PACS2: variants seen among roughly 807,000 people sequenced by gnomAD.
The protein encoded by PACS2 is PACS1-like protein.
In PACS2, 36 loss-of-function variants were observed where a neutral mutation model predicts 113.0. The ratio of observed to expected loss-of-function variants is 0.32; its 90% confidence interval spans 0.24 to 0.42. PACS2 has a LOEUF of 0.42. PACS2 is among the 10% of genes least tolerant of loss of function. The pLI is 1.00. For missense variants in PACS2, 1,015 were observed against 1,239.5 expected (o/e 0.82, Z 2.72); for synonymous variants, 589 against 536.1 (o/e 1.10, Z -1.36).
At chr14:105,393,004 G>A (rs587636339) in intron 23 of PACS2, among the ~76,000 whole-genome samples, 159 bp downstream of exon 23, 32 of 152,308 alleles carry the variant, frequency 2.1e-4, no homozygotes, top group African/African-American at 6.7e-4. Flanking sequence ...AATCCTGAGG[G>A]CAGTGAGGGT....
intron 4 of PACS2, among the ~76,000 whole-genome samples, chr14:105,363,522 C>T (rs948124771): frequency 5.9e-5 from 9 of 152,208 alleles, no homozygotes; most frequent in African/African-American, 9.7e-5. Context: ...GCAGCCTCCT[C>T]GCCTCTCTCA....
upstream of PACS2, among the ~76,000 whole-genome samples, chr14:105,312,457 G>A (rs1356040743): frequency 2.0e-5 from 3 of 152,162 alleles, no homozygotes; most frequent in African/African-American, 4.8e-5. Context: ...CTCCCCAACC[G>A]TGCCCAGCCA....
Position 105,381,899 on chromosome 14 carries a change from C to T in PACS2, c.1269-15C>T, listed in dbSNP as rs185644553. The T allele has an allele frequency of 1.3e-6, 2 of 1,549,602 alleles. No homozygotes were observed. Among genetic ancestry groups the T allele is most frequent in the East Asian group, 2.4e-5 (1 of 41,374 alleles). ...CTGCTGCCACAGCCACTTAGCCTGT[C>T]CTGGTCCCCAATAGGTCCGAGGGGA... On this transcript the variant is annotated splice_polypyrimidine_tract_variant and intron_variant, in intron 12 of 24. Transcript: ENST00000447393.
At chr14:105,389,223 G>C (rs1027373642) in intron 19 of PACS2, 1 of 152,422 alleles carries the variant, frequency 6.6e-6, no homozygotes, top group Non-Finnish European at 1.5e-5. Flanking sequence ...TCGTGTGGAC[G>C]GGCTGTGACC....
intron 1 of PACS2, among the ~76,000 whole-genome samples, chr14:105,316,354 A>G (rs2058629512): frequency 6.6e-6 from 1 of 152,196 alleles, no homozygotes; most frequent in Admixed American, 6.5e-5. Context: ...GCATCTCCCC[A>G]GGCCTGGCTG....
At chr14:105,349,893 AC>A in intron 2 of PACS2, among the ~76,000 whole-genome samples, 1 of 141,082 alleles carries the variant, frequency 7.1e-6, no homozygotes, top group African/African-American at 2.8e-5. Context: ...TAATAGCAGG[AC>A]CCCGAGAACT....
In PACS2 at chr14:105,365,671, C is replaced by T. The variant is rs1232750257; in HGVS notation, c.424-1542C>T. Among the ~76,000 whole-genome samples, 2 of 152,322 alleles carry T rather than the reference C, an allele frequency of 1.3e-5. No homozygotes were observed. Among genetic ancestry groups the T allele is most frequent in the South Asian group, 4.1e-4 (2 of 4,832 alleles). On this transcript the variant is annotated intron_variant, in intron 4 of 24. Transcript: ENST00000447393. This position sits in a 1 kb window ranked among gnomAD's most constrained non-coding sequence, Gnocchi z 5.1. ...GCCCCACCTTGATTCCTCCGGGACCCCAGCCCGGCAGCCCCCTCCCCTCTG... is the reference window on the plus strand; with the variant it reads ...GCCCCACCTTGATTCCTCCGGGACCTCAGCCCGGCAGCCCCCTCCCCTCTG...
rs1595678092 is a variant in PACS2, at chr14:105,355,316, C to A, written c.423+139C>A. The A allele has an allele frequency of 9.5e-7, 1 of 1,053,734 alleles. No homozygotes were observed. The highest frequency in any genetic ancestry group is 2.7e-5 in the East Asian group (1 of 37,110). The allele number at this position is 1,053,734 out of a possible 1,614,324, so 65.3% of individuals were successfully genotyped here. ...AAAATGATGAGAGGAGCCTGGGCGGCCGGGCTCCGCCATAAGGGCCAGGTG... is the reference window on the plus strand; with the variant it reads ...AAAATGATGAGAGGAGCCTGGGCGGACGGGCTCCGCCATAAGGGCCAGGTG... On this transcript the variant is annotated intron_variant, in intron 4 of 24. Coordinates refer to ENST00000447393, the MANE Select transcript of PACS2 (RefSeq NM_001100913.3). This position sits in a 1 kb window ranked among gnomAD's most constrained non-coding sequence, Gnocchi z 4.1.
Position 105,376,746 on chromosome 14 carries a change from C to G in PACS2, c.802-22C>G. ...AATGTGGGCTGCTGCAGGGAACTCA[C>G]GCGTGCCTGGCACCCGTGCAGGTCC... is the stretch of plus-strand genomic sequence containing the variant. On this transcript the variant is annotated intron_variant, in intron 8 of 24. Coordinates refer to ENST00000447393, the MANE Select transcript of PACS2 (RefSeq NM_001100913.3). This position sits in a 1 kb window ranked among gnomAD's most constrained non-coding sequence, Gnocchi z 4.7. 2 of 1,609,374 alleles carry G rather than the reference C, an allele frequency of 1.2e-6. No individual in the cohort carries two copies. The highest frequency in any genetic ancestry group is 1.7e-6 in the Non-Finnish European group (2 of 1,177,588).
Position 105,315,199 on chromosome 14 carries a change from C to T in PACS2, c.119+162C>T. 3.7e-6 allele frequency: 1 copy of T among 268,438 alleles called. No homozygotes were observed. The highest frequency in any genetic ancestry group is 5.9e-6 in the Non-Finnish European group (1 of 168,972). The allele number at this position is 268,438 out of a possible 1,614,324, so 16.6% of individuals were successfully genotyped here. On this transcript the variant is annotated intron_variant, in intron 1 of 24. Transcript: ENST00000447393. The surrounding 1 kb of genome is among the most constrained non-coding windows in gnomAD (Gnocchi z 4.4). ...TCGACGCGTGCAGCCGCCGCCCCCC[C>T]GCAGCTCCGGCAAGCGCGGCCCCAG...
At chr14:105,309,927 A>G (rs2058301035), upstream of PACS2, among the ~76,000 whole-genome samples, 1 of 151,436 alleles carries the variant, frequency 6.6e-6, no homozygotes, top group Non-Finnish European at 1.5e-5. This position sits in a 1 kb window ranked among gnomAD's most constrained non-coding sequence, Gnocchi z 4.0. Context: ...CTGGGACTAC[A>G]GGCGCCCGCC....
At chr14:105,342,966 G>A (rs1348660732) in intron 1 of PACS2, among the ~76,000 whole-genome samples, 2 of 150,826 alleles carry the variant, frequency 1.3e-5, no homozygotes, top group Non-Finnish European at 3.0e-5. Context: ...GTATTGTTAT[G>A]GTAAAGGTTC....
rs1566978461 is a variant in PACS2 at position 105,396,493 on chromosome 14, TTTTC to T, written c.*1825_*1828del. The T allele has an allele frequency of 1.4e-5, 2 of 147,552 alleles. No homozygotes were observed. The highest frequency in any genetic ancestry group is 2.9e-5 in the Non-Finnish European group (2 of 68,084). The allele number at this position is 147,552 out of a possible 1,614,324, so 9.1% of individuals were successfully genotyped here. A position where few individuals can be genotyped will look rare whatever the true frequency, so the allele number is the denominator to read the frequency against. ...ATCTGTTTTTCTGCTCTCCAGTTTC[TTTTC>T]TTTTTTTTTTTTTTTTTTTTTGAGA... On this transcript the variant is annotated 3_prime_UTR_variant, in exon 25 of 25. Coordinates refer to ENST00000447393, the MANE Select transcript of PACS2 (RefSeq NM_001100913.3).
chr14:105,384,675 G>A (rs868981662), intron 17 of PACS2, among the ~76,000 whole-genome samples: 4 of 152,194 alleles, frequency 2.6e-5, no homozygotes, highest in South Asian at 2.1e-4. Context: ...GGGAAGGGGC[G>A]GGCACAGCCC....
chr14:105,380,003 C>A, intron 10 of PACS2, 77 bp from the exon 11 acceptor site: 1 of 1,429,500 alleles, frequency 7.0e-7, no homozygotes, highest in Non-Finnish European at 9.6e-7. Flanking sequence ...CCCTGAGTCC[C>A]AGCATTCCCA....
At position 105,340,701 on chromosome 14, in the gene PACS2, G is replaced by A. The variant is rs587735216; in HGVS notation, c.120-7792G>A. ...GCACAGGTGACTTTTCTGTACCAGA[G>A]CTAGGAATGAAGGGCTGGCTGAGCT... On this transcript the variant is annotated intron_variant, in intron 1 of 24. Transcript: ENST00000447393. The surrounding 1 kb of genome is among the most constrained non-coding windows in gnomAD (Gnocchi z 4.2). Among the ~76,000 whole-genome samples, 1 of 152,354 alleles carries A rather than the reference G, an allele frequency of 6.6e-6. No homozygotes were observed. The highest frequency in any genetic ancestry group is 1.9e-4 in the East Asian group (1 of 5,190).
chr14:105,392,952 GC>G, intron 23 of PACS2, 107 bp downstream of exon 23: 1 of 870,792 alleles, frequency 1.1e-6, no homozygotes, highest in Non-Finnish European at 1.8e-6. Flanking sequence ...GCCTCGGGCA[GC>G]CCACATGCGC....
At chr14:105,392,479 G>C in intron 22 of PACS2, 140 bp from the exon 23 acceptor site, 1 of 690,298 alleles carries the variant, frequency 1.4e-6, no homozygotes, top group Non-Finnish European at 2.5e-6. Flanking sequence ...CACAGAGCAT[G>C]CTCCAAGCAC....
chr14:105,352,251 GC>G (rs1566930344), intron 2 of PACS2, 126 bp from the exon 3 acceptor site: 5 of 687,618 alleles, frequency 7.3e-6, no homozygotes, highest in African/African-American at 1.8e-5. Flanking sequence ...CCCAGCCTGT[GC>G]CTACCACCCC....
Sources: gnomAD v4.1 joint callset for allele counts (sites outside exome capture counted in the v4.1 genomes callset) on GRCh38, gnomAD v4.1.1 for gene constraint, Gnocchi (gnomAD v3.1) non-coding constraint, MANE v1.5 for transcripts, NCBI Gene and HGNC (gene_info 2026-07-23, HGNC 2026-07-21) for gene names.